DSCAM: variants seen among roughly 807,000 people sequenced by gnomAD.
The protein encoded by DSCAM is DS cell adhesion molecule.
Under a neutral mutation model 217.7 loss-of-function variants are expected in DSCAM, and 47 were observed. The observed-to-expected ratio is 0.22, with a 90% confidence interval of 0.17 to 0.28. The LOEUF is 0.28. Among genes scored for constraint, DSCAM ranks in the 10% least tolerant of loss-of-function variants. DSCAM has a pLI of 1.00. For missense variants in DSCAM, 2,080 were observed against 2,618.3 expected (o/e 0.79, Z 4.49); for synonymous variants, 1,056 against 1,015.3 (o/e 1.04, Z -0.76).
chr21:40,610,075 C>T (rs892837395), intron 3 of DSCAM, among the ~76,000 whole-genome samples: 1 of 152,192 alleles, frequency 6.6e-6, no homozygotes, highest in African/African-American at 2.4e-5. Context: ...AAAACAAGCA[C>T]GGGGCTTGGG....
intron 3 of DSCAM, among the ~76,000 whole-genome samples, chr21:40,679,639 G>T (rs771942864): frequency 6.6e-6 from 1 of 152,202 alleles, no homozygotes; most frequent in Non-Finnish European, 1.5e-5. Flanking sequence ...TACATACTCT[G>T]ATTTAGCTGT....
chr21:40,292,185 C>CTTTTTTT (rs11431306), intron 10 of DSCAM, among the ~76,000 whole-genome samples: 2 of 110,250 alleles, frequency 1.8e-5, no homozygotes, highest in Non-Finnish European at 3.6e-5. Flanking sequence ...AATGTAATGA[C>CTTTTTTT]TTTTTTTTTT....
intron 20 of DSCAM, among the ~76,000 whole-genome samples, chr21:40,102,257 T>G (rs9974139): frequency 0.089 from 13,614 of 152,280 alleles, 831 homozygotes; most frequent in Middle Eastern, 0.14. Flanking sequence ...TATATTTGTT[T>G]TAAAAAATAT....
At chr21:40,310,455 T>G (rs1170630704) in intron 9 of DSCAM, among the ~76,000 whole-genome samples, 3 of 152,356 alleles carry the variant, frequency 2.0e-5, no homozygotes, top group African/African-American at 7.2e-5. Context: ...ACTGGTGATT[T>G]AATATTAATT....
At chr21:40,322,714 AG>A (rs1371194965) in intron 8 of DSCAM, among the ~76,000 whole-genome samples, 1 of 152,092 alleles carries the variant, frequency 6.6e-6, no homozygotes, top group Non-Finnish European at 1.5e-5. Context: ...TGGTAGAGAC[AG>A]GGTTTCACCA....
At chr21:40,627,429 TAAC>T (rs2089616746) in intron 3 of DSCAM, among the ~76,000 whole-genome samples, 1 of 152,170 alleles carries the variant, frequency 6.6e-6, no homozygotes, top group Non-Finnish European at 1.5e-5. Context: ...TGGAAAGCCT[TAAC>T]AATTCTGTGA....
chr21:40,304,453 T>G (rs1445167236), intron 9 of DSCAM, among the ~76,000 whole-genome samples: 2 of 152,230 alleles, frequency 1.3e-5, no homozygotes, highest in African/African-American at 2.4e-5. Context: ...CACTTTACCA[T>G]TTGTGTGTTC....
chr21:40,241,112 C>G (rs1344925381), intron 11 of DSCAM, among the ~76,000 whole-genome samples: 1 of 152,092 alleles, frequency 6.6e-6, no homozygotes, highest in African/African-American at 2.4e-5. Flanking sequence ...TAAAAGCAAT[C>G]ACAACAAAAG....
chr21:40,607,821 CCT>C (rs1343011989), intron 3 of DSCAM, among the ~76,000 whole-genome samples: 3 of 152,136 alleles, frequency 2.0e-5, no homozygotes, highest in Non-Finnish European at 4.4e-5. Context: ...TATAAATTAC[CCT>C]GTCTCGGGTA....
At chr21:40,103,057 G>C (rs2089774661) in intron 20 of DSCAM, among the ~76,000 whole-genome samples, 1 of 152,188 alleles carries the variant, frequency 6.6e-6, no homozygotes, top group African/African-American at 2.4e-5. Flanking sequence ...TGTTGTACTA[G>C]GTGAGTTTAG....
At chr21:40,834,299 C>T (rs1214216006) in intron 1 of DSCAM, among the ~76,000 whole-genome samples, 11 of 151,386 alleles carry the variant, frequency 7.3e-5, no homozygotes, top group South Asian at 4.2e-4. Flanking sequence ...CCCAGCTACT[C>T]GCCAGGCTGA....
chr21:40,253,665 C>T (rs2073334064), intron 11 of DSCAM, among the ~76,000 whole-genome samples: 1 of 152,154 alleles, frequency 6.6e-6, no homozygotes, highest in Non-Finnish European at 1.5e-5. Context: ...ATCACGCCTC[C>T]GTAATAAAAC....
intron 1 of DSCAM, among the ~76,000 whole-genome samples, chr21:40,790,165 C>G (rs1030425874): frequency 6.7e-6 from 1 of 149,550 alleles, no homozygotes; most frequent in Admixed American, 6.7e-5. Context: ...AGGATGCAAA[C>G]GTTTTTCTTT....
At chr21:40,191,818 C>T (rs1301767726) in intron 11 of DSCAM, among the ~76,000 whole-genome samples, 1 of 152,194 alleles carries the variant, frequency 6.6e-6, no homozygotes, top group Admixed American at 6.5e-5. Context: ...GGCAAAACTT[C>T]AGCTTCTGCC....
intron 11 of DSCAM, among the ~76,000 whole-genome samples, chr21:40,216,833 T>C (rs56383123): frequency 0.069 from 10,489 of 152,246 alleles, 588 homozygotes; most frequent in African/African-American, 0.15. Flanking sequence ...CCTGTTAGAA[T>C]GTGATGGAAC....
intron 11 of DSCAM, among the ~76,000 whole-genome samples, chr21:40,270,417 G>A (rs2073599841): frequency 6.6e-6 from 1 of 152,218 alleles, no homozygotes; most frequent in Non-Finnish European, 1.5e-5. Context: ...TGTTGCATAT[G>A]TGCAGGATAA....
At chr21:40,197,654 C>T (rs2091027018) in intron 11 of DSCAM, among the ~76,000 whole-genome samples, 2 of 152,204 alleles carry the variant, frequency 1.3e-5, no homozygotes, top group African/African-American at 4.8e-5. Context: ...CTTCCTTCCT[C>T]CAGGGTCTGG....
chr21:40,062,857 T>C lies in DSCAM; in HGVS notation c.4919+12A>G. 6.3e-7 allele frequency: 1 copy of C among 1,589,896 alleles called. No homozygotes were observed. The highest frequency in any genetic ancestry group is 2.3e-5 in the East Asian group (1 of 43,078). ...CAAACATGATATCTGGGGTGCTAGG[T>C]CTTGTTCTTACCTCATGAGCATTTC... On this transcript the variant is annotated intron_variant, in intron 28 of 32. Coordinates refer to ENST00000400454, the MANE Select transcript of DSCAM (RefSeq NM_001389.5).
intron 1 of DSCAM, among the ~76,000 whole-genome samples, chr21:40,828,863 G>A (rs1220866083): frequency 2.0e-5 from 3 of 152,100 alleles, no homozygotes; most frequent in African/African-American, 4.8e-5. Flanking sequence ...TCACCATGTT[G>A]GCCAGGCTGG....
Sources: allele counts gnomAD v4.1 joint callset (sites outside exome capture counted in the v4.1 genomes callset), GRCh38; gene constraint gnomAD v4.1.1; transcripts MANE v1.5; gene names NCBI Gene and HGNC (gene_info 2026-07-23, HGNC 2026-07-21).